Variants in UBE2H observed in about 807,000 individuals in gnomAD.
UBE2H encodes the protein ubiquitin conjugating enzyme E2 H.
Under a neutral mutation model 29.0 loss-of-function variants are expected in UBE2H, and 3 were observed. The observed-to-expected ratio is 0.10, with a 90% confidence interval of 0.05 to 0.27. The LOEUF (loss-of-function observed/expected upper bound fraction) is 0.27. Ranked by LOEUF, UBE2H falls within the 10% of genes least tolerant of loss-of-function variation. UBE2H has a pLI of 1.00. For missense variants in UBE2H, 68 were observed against 228.2 expected, an observed-to-expected ratio of 0.30 and a Z score of 4.52; for synonymous variants, 69 against 82.9, an observed-to-expected ratio of 0.83 and a Z score of 0.91.
At chr7:129,846,018 A>C (rs182740935) in intron 5 of UBE2H, among the ~76,000 whole-genome samples, 1 of 152,218 alleles carries the variant, frequency 6.6e-6, no homozygotes, top group African/African-American at 2.4e-5. Flanking sequence ...TTAATTAAAA[A>C]GAGTTACACT....
chr7:129,952,768 C>G lies in UBE2H; in HGVS notation c.-213G>C, dbSNP rs1394429675. 2.7e-6 allele frequency: 1 copy of G among 369,512 alleles called. No individual in the cohort carries two copies. Among genetic ancestry groups the G allele is most frequent in the Non-Finnish European group, 4.6e-6 (1 of 215,152 alleles). 22.9% of individuals were successfully genotyped at this position (369,512 alleles called of 1,614,324 possible). ...GGGGTGGGGACCCTGCGGCGCCCGG[C>G]TCGGGCTGCCCCTCTCCGGCTGTGG... is the stretch of plus-strand genomic sequence containing the variant. On this transcript the variant is annotated 5_prime_UTR_variant, in exon 1 of 7. Coordinates refer to ENST00000355621, the MANE Select transcript of UBE2H (RefSeq NM_003344.4).
At chr7:129,892,847 T>C (rs534681669) in intron 1 of UBE2H, among the ~76,000 whole-genome samples, 3 of 147,980 alleles carry the variant, frequency 2.0e-5, no homozygotes, top group East Asian at 2.0e-4. Context: ...ACTTTATGTT[T>C]AAAAAAAAAA....
chr7:129,906,716 T>C (rs992985155), intron 1 of UBE2H, among the ~76,000 whole-genome samples: 4 of 152,176 alleles, frequency 2.6e-5, no homozygotes, highest in Non-Finnish European at 5.9e-5. Flanking sequence ...TCTTTCAGAA[T>C]ACCGTAACAT....
intron 1 of UBE2H, among the ~76,000 whole-genome samples, chr7:129,910,699 C>T (rs573350497): frequency 1.3e-4 from 19 of 151,662 alleles, no homozygotes; most frequent in East Asian, 5.9e-4. Context: ...CTGGACAACA[C>T]GGTGAAACCC....
chr7:129,936,649 T>A (rs1406479739), intron 1 of UBE2H, among the ~76,000 whole-genome samples: 1 of 148,900 alleles, frequency 6.7e-6, no homozygotes, highest in Non-Finnish European at 1.5e-5. Flanking sequence ...AAAAGATACA[T>A]ATGTCCATTA....
intron 1 of UBE2H, among the ~76,000 whole-genome samples, chr7:129,939,405 G>A (rs1174674549): frequency 6.6e-6 from 1 of 152,174 alleles, no homozygotes; most frequent in Non-Finnish European, 1.5e-5. Context: ...ATAGTTCCAA[G>A]CTTTGCTGCC....
chr7:129,871,713 C>CAAATAA (rs1554433111), intron 3 of UBE2H, among the ~76,000 whole-genome samples: 2 of 124,402 alleles, frequency 1.6e-5, no homozygotes, highest in Non-Finnish European at 1.7e-5. Context: ...GACTCTGTAT[C>CAAATAA]AAAAAAAAAA....
chr7:129,851,665 G>C (rs1022296501), intron 5 of UBE2H, among the ~76,000 whole-genome samples: 27 of 152,158 alleles, frequency 1.8e-4, no homozygotes, highest in Admixed American at 1.3e-4. Flanking sequence ...CTGTCTTTCA[G>C]AGCCATACCC....
intron 1 of UBE2H, among the ~76,000 whole-genome samples, chr7:129,898,113 C>T (rs1476742031): frequency 6.6e-6 from 1 of 151,770 alleles, no homozygotes; most frequent in African/African-American, 2.4e-5. Flanking sequence ...AAAATCACAC[C>T]AATATGAGTA....
intron 5 of UBE2H, among the ~76,000 whole-genome samples, chr7:129,855,153 T>C (rs1805682006): frequency 6.6e-6 from 1 of 152,250 alleles, no homozygotes; most frequent in Non-Finnish European, 1.5e-5. Context: ...AATGGGTGAT[T>C]TGCATGTCTG....
chr7:129,884,741 A>T (rs1222613216), intron 1 of UBE2H, among the ~76,000 whole-genome samples: 1 of 151,676 alleles, frequency 6.6e-6, no homozygotes, highest in Non-Finnish European at 1.5e-5. Flanking sequence ...GCACCACCAC[A>T]CCCAGCTAAT....
intron 5 of UBE2H, among the ~76,000 whole-genome samples, chr7:129,845,160 A>G (rs1250990291): frequency 6.6e-6 from 1 of 152,176 alleles, no homozygotes; most frequent in Non-Finnish European, 1.5e-5. Flanking sequence ...AAGTAGCATC[A>G]CTTAGTCTAG....
At chr7:129,859,845 AT>A (rs1563024791) in intron 3 of UBE2H, among the ~76,000 whole-genome samples, 1 of 151,940 alleles carries the variant, frequency 6.6e-6, no homozygotes, top group Admixed American at 6.6e-5. Flanking sequence ...CACCACCACT[AT>A]CTCCGACCCC....
intron 1 of UBE2H, among the ~76,000 whole-genome samples, chr7:129,901,489 G>A (rs1461821389): frequency 1.3e-5 from 2 of 152,226 alleles, no homozygotes; most frequent in African/African-American, 4.8e-5. Context: ...CTGATAGGCA[G>A]TAGACTGGCT....
chr7:129,860,433 T>G (rs1290407835), intron 3 of UBE2H, among the ~76,000 whole-genome samples: 2 of 152,246 alleles, frequency 1.3e-5, no homozygotes, highest in Non-Finnish European at 2.9e-5. Flanking sequence ...TGAAGACATT[T>G]TAATAATGGG....
intron 5 of UBE2H, among the ~76,000 whole-genome samples, chr7:129,853,180 C>T (rs1236816322): frequency 6.6e-6 from 1 of 152,116 alleles, no homozygotes. Context: ...AGTGAAGGCA[C>T]CTGGGCCCCC....
At chr7:129,941,796 TCAGA>T (rs1284098989) in intron 1 of UBE2H, among the ~76,000 whole-genome samples, 1 of 152,066 alleles carries the variant, frequency 6.6e-6, no homozygotes. Flanking sequence ...TTATAATTTA[TCAGA>T]AAGAATGTAA....
intron 1 of UBE2H, among the ~76,000 whole-genome samples, chr7:129,884,761 T>G (rs1025041871): frequency 6.6e-6 from 1 of 151,948 alleles, no homozygotes; most frequent in Non-Finnish European, 1.5e-5. Context: ...TTTTTTTAGT[T>G]TTTGTAGAGA....
At chr7:129,885,342 T>A (rs1247434476) in intron 1 of UBE2H, among the ~76,000 whole-genome samples, 1 of 152,242 alleles carries the variant, frequency 6.6e-6, no homozygotes, top group Non-Finnish European at 1.5e-5. Context: ...GCATTCTCCA[T>A]CAATCAGAAC....
Sources: allele counts gnomAD v4.1 joint callset (sites outside exome capture counted in the v4.1 genomes callset), GRCh38; gene constraint gnomAD v4.1.1; transcripts MANE v1.5; gene names NCBI Gene and HGNC (gene_info 2026-07-23, HGNC 2026-07-21).